FANCD2OS: variants seen among roughly 807,000 people sequenced by gnomAD.
FANCD2OS encodes the protein FANCD2 opposite strand.
FANCD2OS carries 11 observed loss-of-function variants against 13.2 expected under a neutral mutation model. The observed-to-expected ratio is 0.83, with a 90% confidence interval of 0.52 to 1.38. The LOEUF is 1.38. Among genes scored for constraint, FANCD2OS ranks in the 40% most tolerant of loss-of-function variants. FANCD2OS has a pLI of 0.00. For missense variants in FANCD2OS, 217 were observed against 213.9 expected (o/e 1.01, Z -0.09); for synonymous variants, 69 against 84.5 (o/e 0.82, Z 1.01).
downstream of FANCD2OS, among the ~76,000 whole-genome samples, chr3:10,100,238 T>G (rs1695221573): frequency 6.6e-6 from 1 of 152,210 alleles, no homozygotes; most frequent in African/African-American, 2.4e-5. Context: ...AATATACCCC[T>G]TCTACTTTTT....
At chr3:10,095,113 C>T in intron 2 of FANCD2OS, 1 of 1,156,836 alleles carries the variant, frequency 8.6e-7, no homozygotes, top group Non-Finnish European at 1.3e-6. Context: ...AGTTTATCCT[C>T]TTTGGAGCTT....
At chr3:10,081,439 C>G in exon 3 of FANCD2OS, 4 of 1,613,522 alleles carry the variant, frequency 2.5e-6, no homozygotes, top group Non-Finnish European at 3.4e-6. Flanking sequence ...GAGGCTGCTG[C>G]AGATTTTTCA....
intron 2 of FANCD2OS, chr3:10,087,060 G>C (rs34197804): frequency 2.5e-5 from 38 of 1,540,482 alleles, no homozygotes; most frequent in Non-Finnish European, 3.0e-5. Flanking sequence ...ACTTGGGCAC[G>C]TCATGTGGAT....
rs1056082204 is a variant in FANCD2OS at position 10,103,969 on chromosome 3, C to T, written c.*272G>A. 2.4e-6 allele frequency: 1 copy of T among 421,926 alleles called. No homozygotes were observed. The highest frequency in any genetic ancestry group is 4.2e-6 in the Non-Finnish European group (1 of 237,768). The allele number at this position is 421,926 out of a possible 1,614,324, so 26.1% of individuals were successfully genotyped here. On this transcript the variant is annotated 3_prime_UTR_variant, in exon 2 of 2. Transcript: ENST00000450660. ...TCACACTAGGCTCATTGGTTTATAT[C>T]ATTTGTTTAACGGTTATCACATGGA...
intron 2 of FANCD2OS, chr3:10,088,621 A>G (rs1575845189): frequency 1.7e-6 from 2 of 1,174,986 alleles, no homozygotes; most frequent in East Asian, 4.7e-5. Context: ...GACTGGACAA[A>G]TGACCTTTTT....
At chr3:10,083,542 A>G (rs958158623) in intron 2 of FANCD2OS, 5 of 152,100 alleles carry the variant, frequency 3.3e-5, no homozygotes, top group African/African-American at 1.2e-4. Context: ...ACATGCACCT[A>G]CCATGTGACT....
intron 2 of FANCD2OS, chr3:10,095,049 C>G (rs1213982391): frequency 4.3e-6 from 3 of 693,386 alleles, no homozygotes; most frequent in Non-Finnish European, 7.8e-6. Flanking sequence ...GCTGCTATTC[C>G]TCCTATTTGA....
At chr3:10,101,117 A>C, downstream of FANCD2OS, 2 of 1,131,672 alleles carry the variant, frequency 1.8e-6, no homozygotes, top group Non-Finnish European at 2.7e-6. Flanking sequence ...TGTATCCTCT[A>C]GGAGCTGTAT....
intron 2 of FANCD2OS, chr3:10,094,276 C>T: frequency 5.0e-6 from 8 of 1,610,836 alleles, no homozygotes; most frequent in Non-Finnish European, 6.8e-6. Context: ...AACAGTGTGT[C>T]TCTCTTCTTC....
At chr3:10,088,834 C>T (rs755389495) in intron 2 of FANCD2OS, 1 of 1,613,938 alleles carries the variant, frequency 6.2e-7, no homozygotes, top group African/African-American at 1.3e-5. Context: ...GCAGTATCTA[C>T]CTGGAGCACA....
chr3:10,081,375 T>C, exon 3 of FANCD2OS: 1 of 1,614,104 alleles, frequency 6.2e-7, no homozygotes, highest in Non-Finnish European at 8.5e-7. Flanking sequence ...ACGGTGTAGT[T>C]GATGGACCAG....
intron 1 of FANCD2OS, among the ~76,000 whole-genome samples, chr3:10,107,629 G>GGTGGAAGTAGAT (rs1047427852): frequency 1.3e-5 from 2 of 151,848 alleles, no homozygotes; most frequent in Non-Finnish European, 2.9e-5. Flanking sequence ...AGGAAGTAGA[G>GGTGGAAGTAGAT]GTAGAAGTAA....
rs1288356571 is a variant in FANCD2OS at position 10,090,496 on chromosome 3, G to C, written c.*44-8965C>G. On this transcript the variant is annotated intron_variant, in intron 2 of 2. Coordinates refer to the FANCD2OS transcript ENST00000524279. ...TCTGAGACAGAGTCTTGCTTGTTCT[G>C]TTGCCCAGACTGGAGTGCAGTGGCA... 1.3e-5 allele frequency: 9 copies of C among 671,710 alleles called. No individual in the cohort carries two copies. In the Admixed American group the frequency reaches 2.0e-4, roughly 15 times the overall value. The allele number at this position is 671,710 out of a possible 1,614,324, so 41.6% of individuals were successfully genotyped here.
chr3:10,097,665 C>T (rs1283173160), intron 2 of FANCD2OS, among the ~76,000 whole-genome samples: 3 of 152,226 alleles, frequency 2.0e-5, no homozygotes, highest in South Asian at 4.1e-4. Flanking sequence ...GTGTAGTTAA[C>T]GCAATTATTA....
At position 10,095,133 on chromosome 3, in the gene FANCD2OS, A is replaced by G. The variant is rs34363202; in HGVS notation, c.*43+9065T>C. The G allele has an allele frequency of 0.018, 24,296 of 1,318,352 alleles. 305 individuals carry two copies. The highest frequency in any genetic ancestry group is 0.022 in the Non-Finnish European group (20,211 of 916,076). 81.7% of individuals were successfully genotyped at this position (1,318,352 alleles called of 1,614,324 possible). A position where few individuals can be genotyped will look rare whatever the true frequency, so the allele number is the denominator to read the frequency against. On this transcript the variant is annotated intron_variant, in intron 2 of 2. Coordinates refer to the FANCD2OS transcript ENST00000524279. ...ATCCTCTTTGGAGCTTTTGATTGCA[A>G]GGGTATCTTGAATCTAAAATGAAAT...
At chr3:10,105,772 TTATATATATATATATATATATATATATA>T (rs574690780) in intron 1 of FANCD2OS, among the ~76,000 whole-genome samples, 40 of 22,642 alleles carry the variant, frequency 1.8e-3, no homozygotes, top group Middle Eastern at 0.033. Context: ...AAAAAAAAAA[TTATATATATATATATATATATATATATA>T]TATATATATA....
chr3:10,097,544 C>T (rs1016619052), intron 2 of FANCD2OS, among the ~76,000 whole-genome samples: 9 of 152,238 alleles, frequency 5.9e-5, no homozygotes, highest in East Asian at 1.9e-4. Flanking sequence ...GGCTCACCGG[C>T]GGTCAGAGTT....
chr3:10,088,821 A>G, intron 2 of FANCD2OS: 1 of 1,613,954 alleles, frequency 6.2e-7, no homozygotes, highest in Non-Finnish European at 8.5e-7. Context: ...TTTGACTCTC[A>G]ATGCAGTATC....
Position 10,093,307 on chromosome 3 carries a change from T to G in FANCD2OS, c.*43+10891A>C. On this transcript the variant is annotated intron_variant, in intron 2 of 2. Coordinates refer to the FANCD2OS transcript ENST00000524279. The stretch of plus-strand genomic sequence containing the variant: ...CAGGTATTTGATAGTCATCCTGTTC[T>G]GCATGTATGTTTGAAGGTGAGAGAT... The G allele has an allele frequency of 6.2e-7, 1 of 1,613,510 alleles. No individual in the cohort carries two copies.
Sources: allele counts gnomAD v4.1 joint callset (sites outside exome capture counted in the v4.1 genomes callset), GRCh38; gene constraint gnomAD v4.1.1; transcripts MANE v1.5; gene names NCBI Gene and HGNC (gene_info 2026-07-23, HGNC 2026-07-21).